LAMA3: variants seen among roughly 807,000 people sequenced by gnomAD.
The protein encoded by LAMA3 is laminin subunit alpha-3.
Under a neutral mutation model 402.0 loss-of-function variants are expected in LAMA3, and 281 were observed. The ratio of observed to expected loss-of-function variants is 0.70; its 90% CI spans 0.63 to 0.77. LAMA3 has a LOEUF of 0.77. Among genes scored for constraint, LAMA3 ranks in the 30% least tolerant of loss-of-function variants. LAMA3 has a pLI of 0.00. For synonymous variants in LAMA3, 1,431 were observed against 1,558.4 expected (o/e 0.92, Z 1.93); for missense variants, 3,840 against 4,215.5 (o/e 0.91, Z 2.47).
intron 55 of LAMA3, among the ~76,000 whole-genome samples, chr18:23,912,118 A>G (rs1030672332): frequency 7.2e-6 from 1 of 138,744 alleles, no homozygotes; most frequent in Non-Finnish European, 1.5e-5. Context: ...ATATCTATAT[A>G]AAAACATATA....
chr18:23,914,736 C>T lies in LAMA3; in HGVS notation c.7520C>T (p.Ala2507Val). The T allele has an allele frequency of 6.2e-7, 1 of 1,613,542 alleles. No individual in the cohort carries two copies. ...QFARLNYTKG[A>V]TSSKPETPGV... The stretch of plus-strand genomic sequence containing the variant: ...GCAAGGCTTAATTACACCAAAGGAG[C>T]CACATCCAGTAAACCAGAAACACCC... The change falls in exon 58 of 75, where the codon GCC becomes GTC. Residue 2507 changes from alanine (A) to valine (V), a missense_variant. Physicochemically the swap from Ala to Val is moderately conservative, Grantham distance 64 (BLOSUM62 0). Transcript: ENST00000313654.
At chr18:23,746,544 G>A (rs1325786813) in intron 2 of LAMA3, among the ~76,000 whole-genome samples, 3 of 152,232 alleles carry the variant, frequency 2.0e-5, no homozygotes, top group Admixed American at 2.0e-4. Flanking sequence ...AACTCAGCGA[G>A]CTTAACAAAA....
At chr18:23,916,839 G>T in intron 60 of LAMA3, 144 bp downstream of exon 60, 1 of 837,642 alleles carries the variant, frequency 1.2e-6, no homozygotes, top group Non-Finnish European at 2.0e-6. Context: ...CCACCCAGTT[G>T]TACTTTCTGT....
intron 12 of LAMA3, among the ~76,000 whole-genome samples, chr18:23,793,053 G>A (rs1310896757): frequency 6.6e-5 from 10 of 152,168 alleles, no homozygotes; most frequent in African/African-American, 1.7e-4. Context: ...TGGAGGCAGA[G>A]GGAAGGGAAG....
intron 44 of LAMA3, among the ~76,000 whole-genome samples, chr18:23,896,595 AGAACCTATTTCCCT>A (rs2080883225): frequency 6.6e-6 from 1 of 152,176 alleles, no homozygotes; most frequent in Non-Finnish European, 1.5e-5. Context: ...AAGAAGTAAT[AGAACCTATTTCCCT>A]GAGGGGAAAT....
intron 12 of LAMA3, among the ~76,000 whole-genome samples, chr18:23,799,993 G>T (rs1433727781): frequency 2.0e-5 from 3 of 152,180 alleles, no homozygotes; most frequent in African/African-American, 7.2e-5. Flanking sequence ...TTTATTCAAA[G>T]TCTACTGATT....
intron 12 of LAMA3, among the ~76,000 whole-genome samples, chr18:23,799,492 T>C (rs2062828592): frequency 6.6e-6 from 1 of 152,224 alleles, no homozygotes; most frequent in Admixed American, 6.5e-5. Flanking sequence ...TCTTTGTTTT[T>C]ACCTCCAAAG....
intron 20 of LAMA3, among the ~76,000 whole-genome samples, chr18:23,822,830 C>G (rs868272112): frequency 1.3e-5 from 2 of 152,162 alleles, no homozygotes; most frequent in South Asian, 4.1e-4. Flanking sequence ...AAGCATGAAG[C>G]CCAAATGAGT....
Position 23,824,529 on chromosome 18 carries a change from A to G in LAMA3, c.2535A>G (p.Ile845Met). ...FADPFSITPG[I>M]WVACIKAEGV... ...ACCCATTTTCAATCACACCAGGAAT[A>G]TGGGTTGCTTGTATTAAGGCAGAAG... The change falls in exon 21 of 75, where the codon ATA (isoleucine) becomes ATG (methionine). Residue 845 changes from isoleucine (I) to methionine (M), a missense_variant. Physicochemically the swap from Ile to Met is conservative, Grantham distance 10. This residue lies in a region of LAMA3 where 2,109 missense variants were observed against 2,376.0 expected (regional missense o/e 0.89). Transcript: ENST00000313654. The G allele has an allele frequency of 6.2e-7, 1 of 1,614,108 alleles. No individual in the cohort carries two copies. The highest frequency in any genetic ancestry group is 8.5e-7 in the Non-Finnish European group (1 of 1,179,988).
Position 23,939,339 on chromosome 18 carries a change from C to A in LAMA3, c.8979C>A (p.Pro2993=), listed in dbSNP as rs539066696. The change falls in exon 68 of 75, where the codon CCC becomes CCA. Residue 2993 remains proline, a synonymous_variant. Transcript: ENST00000313654. The stretch of plus-strand genomic sequence containing the variant: ...GAGCCCTCCAGTTTGGGGACATTCC[C>A]ACCAGCCACTTGCTATTCAAGCTTC... ...NHGALQFGDI[P]TSHLLFKLPQ... 3.2e-5 allele frequency: 52 copies of A among 1,614,218 alleles called. No individual in the cohort carries two copies. In the East Asian group the frequency reaches 8.5e-4, roughly 26 times the overall value.
chr18:23,814,371 A>T (rs776170908), intron 14 of LAMA3, 32 bp from the exon 15 acceptor site: 1 of 1,435,464 alleles, frequency 7.0e-7, no homozygotes, highest in South Asian at 1.1e-5. Flanking sequence ...TAATTCCAAG[A>T]TGTCAAATGT....
At chr18:23,916,005 C>CAAAAAAAAAAA (rs1408575781) in intron 59 of LAMA3, among the ~76,000 whole-genome samples, 3 of 41,954 alleles carry the variant, frequency 7.2e-5, no homozygotes, top group Non-Finnish European at 1.1e-4. Context: ...GACTCCATCT[C>CAAAAAAAAAAA]CAAAAAAAAA....
intron 2 of LAMA3, among the ~76,000 whole-genome samples, chr18:23,723,665 C>G (rs116819559): frequency 6.6e-6 from 1 of 152,208 alleles, no homozygotes; most frequent in African/African-American, 2.4e-5. Context: ...CCTAGGTAAA[C>G]ATCTCACTCC....
At chr18:23,824,343 A>G in intron 20 of LAMA3, 80 bp from the exon 21 acceptor site, 2 of 1,449,172 alleles carry the variant, frequency 1.4e-6, no homozygotes, top group East Asian at 4.5e-5. Context: ...ATGTAAACTG[A>G]ATGTTCAAAA....
At chr18:23,884,051 TGTGTG>T (rs2064989886) in intron 40 of LAMA3, among the ~76,000 whole-genome samples, 1 of 4,530 alleles carries the variant, frequency 2.2e-4, no homozygotes, top group African/African-American at 7.1e-4. Flanking sequence ...CTCTTTGGTG[TGTGTG>T]TGTGTGTGTG....
At chr18:23,719,728 C>G (rs372656885) in intron 2 of LAMA3, among the ~76,000 whole-genome samples, 3 of 149,604 alleles carry the variant, frequency 2.0e-5, no homozygotes, top group African/African-American at 4.9e-5. Context: ...GTGGGTGAAT[C>G]CAAAACATTC....
intron 7 of LAMA3, among the ~76,000 whole-genome samples, chr18:23,759,518 C>T (rs573155715): frequency 4.3e-4 from 66 of 152,260 alleles, no homozygotes; most frequent in Middle Eastern, 3.4e-3. Context: ...GCCTCAGCCT[C>T]TCCAGTAGCT....
At chr18:23,944,058 C>T in intron 69 of LAMA3, 87 bp downstream of exon 69, 1 of 1,324,090 alleles carries the variant, frequency 7.6e-7, no homozygotes, top group Non-Finnish European at 1.1e-6. Context: ...GCATCCTTCC[C>T]AGACATGAGG....
intron 2 of LAMA3, among the ~76,000 whole-genome samples, chr18:23,722,490 T>C (rs45573735): frequency 0.043 from 6,615 of 152,330 alleles, 398 homozygotes; most frequent in Admixed American, 0.17. Flanking sequence ...AATACTGTTG[T>C]TTTCTTATTA....
Sources: allele counts gnomAD v4.1 joint callset (sites outside exome capture counted in the v4.1 genomes callset), GRCh38; gene constraint gnomAD v4.1.1; regional missense constraint gnomAD v4.1.1; transcripts MANE v1.5; gene names NCBI Gene and HGNC (gene_info 2026-07-23, HGNC 2026-07-21).